Variants in GSK3B observed in about 807,000 individuals in gnomAD.
GSK3B encodes the protein glycogen synthase kinase-3 beta.
Under a neutral mutation model 56.4 loss-of-function variants are expected in GSK3B, and 15 were observed. The ratio of observed to expected loss-of-function variants is 0.27; its 90% confidence interval spans 0.18 to 0.41. GSK3B has a LOEUF of 0.41. Ranked by LOEUF, GSK3B falls within the 10% of genes least tolerant of loss-of-function variation. The pLI, the probability that GSK3B is intolerant of heterozygous loss-of-function variation, is 1.00. For missense variants in GSK3B, 300 were observed against 513.4 expected, an observed-to-expected ratio of 0.58 and a Z score of 4.02; for synonymous variants, 181 against 188.9, an observed-to-expected ratio of 0.96 and a Z score of 0.34.
Position 119,974,118 on chromosome 3 carries a change from G to A in GSK3B, c.283-26767C>T, listed in dbSNP as rs144174416. 1.7e-3 allele frequency among the ~76,000 whole-genome samples: 265 copies of A among 152,268 alleles called. 2 individuals carry two copies. The highest frequency in any genetic ancestry group is 4.0e-4 in the Non-Finnish European group (27 of 68,028). Reference sequence around the variant, plus strand: ...GAAAAAATTTGGTAAGTTGAACTTCGTTAAAATTAGAAATGTCTGCTCTGA... The same window carrying A: ...GAAAAAATTTGGTAAGTTGAACTTCATTAAAATTAGAAATGTCTGCTCTGA... On this transcript the variant is annotated intron_variant, in intron 2 of 10. Transcript: ENST00000264235.
intron 2 of GSK3B, among the ~76,000 whole-genome samples, chr3:119,990,343 T>C (rs2057553138): frequency 6.6e-6 from 1 of 152,182 alleles, no homozygotes. Flanking sequence ...CTAAAACCAA[T>C]ATATACTCTT....
rs979722428 is a variant in GSK3B at position 119,900,904 on chromosome 3, C to A, written c.813+4851G>T. ...AAGTATTTTTCATGATGTGCTAGAA[C>A]AGTAAGTGATTTTTGTCTATTTGTC... On this transcript the variant is annotated intron_variant, in intron 7 of 10. Coordinates refer to ENST00000264235, the MANE Select transcript of GSK3B (RefSeq NM_001146156.2). Among the ~76,000 whole-genome samples the A allele has an allele frequency of 3.9e-5, 6 of 152,090 alleles. No homozygotes were observed. In the East Asian group the frequency reaches 1.2e-3, roughly 29 times the overall value.
intron 1 of GSK3B, among the ~76,000 whole-genome samples, chr3:120,049,344 A>G (rs1379277141): frequency 6.6e-6 from 1 of 152,222 alleles, no homozygotes; most frequent in African/African-American, 2.4e-5. Flanking sequence ...TAAAATTTAC[A>G]AAGGAAATAC....
chr3:120,060,494 AG>A (rs2058227396), intron 1 of GSK3B, among the ~76,000 whole-genome samples: 1 of 152,128 alleles, frequency 6.6e-6, no homozygotes, highest in African/African-American at 2.4e-5. Context: ...TAGGGAGCCG[AG>A]GCGGGAGAAT....
intron 1 of GSK3B, among the ~76,000 whole-genome samples, chr3:120,079,684 C>G (rs780740398): frequency 3.7e-4 from 57 of 152,130 alleles, no homozygotes; most frequent in Non-Finnish European, 7.4e-4. Context: ...AGTGAGCCAC[C>G]GCACCCGGCC....
intron 8 of GSK3B, among the ~76,000 whole-genome samples, chr3:119,867,953 A>G (rs1465376617): frequency 2.6e-5 from 4 of 152,168 alleles, no homozygotes; most frequent in African/African-American, 9.7e-5. Flanking sequence ...GAGAGCACAA[A>G]ATAAGACTCA....
At chr3:119,864,903 TAAAG>T (rs977955123) in intron 8 of GSK3B, among the ~76,000 whole-genome samples, 6 of 152,224 alleles carry the variant, frequency 3.9e-5, no homozygotes, top group Non-Finnish European at 2.9e-5. Flanking sequence ...TTTCGGAACA[TAAAG>T]AAAGGCCTTA....
chr3:120,017,327 T>C (rs549641834), intron 1 of GSK3B, among the ~76,000 whole-genome samples: 1 of 152,276 alleles, frequency 6.6e-6, no homozygotes, highest in Admixed American at 6.5e-5. Context: ...AAAATAGATC[T>C]CAAAAAGCTG....
intron 1 of GSK3B, among the ~76,000 whole-genome samples, chr3:120,007,981 C>A (rs1386527653): frequency 6.6e-6 from 1 of 150,978 alleles, no homozygotes; most frequent in Non-Finnish European, 1.5e-5. Flanking sequence ...CAAATTGTCT[C>A]TGTTTGACGT....
chr3:119,852,839 G>C (rs1157542692), intron 9 of GSK3B, among the ~76,000 whole-genome samples: 1 of 152,058 alleles, frequency 6.6e-6, no homozygotes, highest in Non-Finnish European at 1.5e-5. Flanking sequence ...TGTCAGATGG[G>C]TAGATTGCAA....
chr3:119,955,842 G>A (rs1185296007), intron 2 of GSK3B, among the ~76,000 whole-genome samples: 1 of 151,990 alleles, frequency 6.6e-6, no homozygotes, highest in African/African-American at 2.4e-5. Context: ...TAGTAGAGAT[G>A]GGTTTTCACC....
intron 7 of GSK3B, among the ~76,000 whole-genome samples, chr3:119,878,552 G>A (rs2056341001): frequency 6.6e-6 from 1 of 152,106 alleles, no homozygotes; most frequent in Non-Finnish European, 1.5e-5. Context: ...CAGTTTGGAA[G>A]TTTCTTAAAA....
intron 1 of GSK3B, among the ~76,000 whole-genome samples, chr3:120,075,571 G>A (rs1002716836): frequency 1.3e-5 from 2 of 152,024 alleles, no homozygotes; most frequent in African/African-American, 2.4e-5. Context: ...AAAATTCATG[G>A]CATTTCCATA....
At position 119,932,659 on chromosome 3, in the gene GSK3B, A is replaced by T. The variant is rs1184215692; in HGVS notation, c.367-9176T>A. On this transcript the variant is annotated intron_variant, in intron 3 of 10. Coordinates refer to ENST00000264235, the MANE Select transcript of GSK3B (RefSeq NM_001146156.2). Reference sequence around the variant, plus strand: ...ACATCTATACTACCTTAAGAAAAAAAACTCACACAAACCCAGTAAAAAAAA... The same window carrying T: ...ACATCTATACTACCTTAAGAAAAAATACTCACACAAACCCAGTAAAAAAAA... 5.3e-5 allele frequency among the ~76,000 whole-genome samples: 8 copies of T among 152,268 alleles called. No individual in the cohort carries two copies. In the South Asian group the frequency reaches 1.7e-3, roughly 32 times the overall value.
chr3:119,994,242 A>G (rs2057593730), intron 2 of GSK3B, among the ~76,000 whole-genome samples: 2 of 152,212 alleles, frequency 1.3e-5, no homozygotes, highest in Admixed American at 1.3e-4. Flanking sequence ...TCCATATGAT[A>G]TATACAATTA....
At chr3:120,024,088 G>T (rs2057902913) in intron 1 of GSK3B, among the ~76,000 whole-genome samples, 1 of 152,200 alleles carries the variant, frequency 6.6e-6, no homozygotes, top group Non-Finnish European at 1.5e-5. Flanking sequence ...CAGCACTTTG[G>T]GAGGCCAAGT....
At position 119,981,395 on chromosome 3, in the gene GSK3B, T is replaced by C. The variant is rs745829588; in HGVS notation, c.282+20651A>G. On this transcript the variant is annotated intron_variant, in intron 2 of 10. Transcript: ENST00000264235. ...GGGCAAGCTGAAGCAGGGTGGGGCG[T>C]TGCATCACCCACAAAGCGCAAGGAG... Among the ~76,000 whole-genome samples, 141 of 152,168 alleles carry C rather than the reference T, an allele frequency of 9.3e-4. 1 individual carries two copies. The highest frequency in any genetic ancestry group is 2.1e-4 in the South Asian group (1 of 4,828).
intron 1 of GSK3B, among the ~76,000 whole-genome samples, chr3:120,062,048 T>A (rs2058241755): frequency 6.6e-6 from 1 of 152,298 alleles, no homozygotes; most frequent in South Asian, 2.1e-4. Flanking sequence ...GAATTTATTA[T>A]CCTTTAGCAA....
At chr3:119,910,541 TCTTGC>T (rs1453967248) in intron 6 of GSK3B, among the ~76,000 whole-genome samples, 3 of 152,186 alleles carry the variant, frequency 2.0e-5, no homozygotes, top group Admixed American at 2.0e-4. Context: ...TGGCAGAGGG[TCTTGC>T]CTTGATGTCG....
Sources: gnomAD v4.1 joint callset for allele counts (sites outside exome capture counted in the v4.1 genomes callset) on GRCh38, gnomAD v4.1.1 for gene constraint, MANE v1.5 for transcripts, NCBI Gene and HGNC (gene_info 2026-07-23, HGNC 2026-07-21) for gene names.